AMD1: variants seen among roughly 807,000 people sequenced by gnomAD.
AMD1 encodes the protein S-adenosylmethionine decarboxylase proenzyme.
Under a neutral mutation model 40.2 loss-of-function variants are expected in AMD1, and 11 were observed. The observed-to-expected ratio is 0.27, with a 90% CI of 0.17 to 0.45. The LOEUF (loss-of-function observed/expected upper bound fraction) is 0.45. Among genes scored for constraint, AMD1 ranks in the 20% least tolerant of loss-of-function variants. The pLI, the probability that AMD1 is intolerant of heterozygous loss-of-function variation, is 1.00. For missense variants in AMD1, 257 were observed against 410.2 expected, an observed-to-expected ratio of 0.63 and a Z score of 3.23; for synonymous variants, 121 against 130.8, an observed-to-expected ratio of 0.93 and a Z score of 0.51.
Position 110,875,014 on chromosome 6 carries a change from G to A in AMD1, c.-92G>A. On this transcript the variant is annotated 5_prime_UTR_variant, in exon 1 of 9. Transcript: ENST00000368885. ...AACCTGAACTTTAGTAACACAGCTGGAACAATCCGCAGCGGCGGCGGCAGC... is the reference window on the plus strand; with the variant it reads ...AACCTGAACTTTAGTAACACAGCTGAAACAATCCGCAGCGGCGGCGGCAGC... The A allele has an allele frequency of 1.0e-6, 1 of 983,724 alleles. No individual in the cohort carries two copies. The highest frequency in any genetic ancestry group is 1.6e-6 in the Non-Finnish European group (1 of 636,906). The allele number at this position is 983,724 out of a possible 1,614,324, so 60.9% of individuals were successfully genotyped here.
the AMD1 span, among the ~76,000 whole-genome samples, chr6:110,853,679 G>A: frequency 1.3e-5 from 2 of 152,190 alleles, no homozygotes; most frequent in East Asian, 1.9e-4. Context: ...CATCTCAAGC[G>A]ATCCTCTCAC....
rs547344653 is a variant in AMD1 at position 110,887,538 on chromosome 6, A to G, written c.144A>G (p.Gln48=). 3.3e-5 allele frequency: 53 copies of G among 1,609,564 alleles called. No homozygotes were observed. The highest frequency in any genetic ancestry group is 4.1e-5 in the Non-Finnish European group (48 of 1,178,504). The part of the protein sequence containing the change: ...SEWDILLKDV[Q]CSIISVTKTD... ...GGGACATACTTTTGAAGGATGTGCA[A>G]TGTTCAATCATAAGTGTGACAAAAA... The change falls in exon 2 of 9, where the codon CAA becomes CAG. Residue 48 remains glutamine, a synonymous_variant. Coordinates refer to ENST00000368885, the MANE Select transcript of AMD1 (RefSeq NM_001634.6).
At chr6:110,846,827 G>A in the AMD1 span, among the ~76,000 whole-genome samples, 1 of 150,312 alleles carries the variant, frequency 6.7e-6, no homozygotes, top group Non-Finnish European at 1.5e-5. Flanking sequence ...CTGAGATCGC[G>A]CCACTGCACT....
At chr6:110,850,749 C>T in the AMD1 span, among the ~76,000 whole-genome samples, 2 of 152,142 alleles carry the variant, frequency 1.3e-5, no homozygotes, top group Non-Finnish European at 2.9e-5. Flanking sequence ...GTTTAATGTT[C>T]AAAGCAGAGC....
At chr6:110,869,762 G>T in the AMD1 span, among the ~76,000 whole-genome samples, 3 of 152,006 alleles carry the variant, frequency 2.0e-5, no homozygotes, top group African/African-American at 7.2e-5. Flanking sequence ...ACCAGTCTTG[G>T]CCTCCCAAAG....
At chr6:110,853,411 G>A in the AMD1 span, among the ~76,000 whole-genome samples, 693 of 151,766 alleles carry the variant, frequency 4.6e-3, 9 homozygotes, top group East Asian at 0.043. Flanking sequence ...GGGTTCAAGC[G>A]ACCCTCCTGC....
At chr6:110,815,241 TCGCGCGCG>T in the AMD1 span, 780 of 1,130,402 alleles carry the variant, frequency 6.9e-4, 5 homozygotes, top group African/African-American at 0.012. Context: ...CAGCCGCCTC[TCGCGCGCG>T]CGCGCGCGCC....
At chr6:110,857,744 A>G in the AMD1 span, among the ~76,000 whole-genome samples, 1 of 147,380 alleles carries the variant, frequency 6.8e-6, no homozygotes, top group Non-Finnish European at 1.5e-5. Flanking sequence ...ATATATATAT[A>G]GATGGTATAT....
At chr6:110,835,199 T>C in the AMD1 span, among the ~76,000 whole-genome samples, 1 of 151,062 alleles carries the variant, frequency 6.6e-6, no homozygotes, top group South Asian at 2.1e-4. Context: ...TTTGTATTTT[T>C]AGTAGAGACG....
intron 2 of AMD1, among the ~76,000 whole-genome samples, chr6:110,888,074 A>G (rs1303397876): frequency 6.6e-6 from 1 of 152,066 alleles, no homozygotes; most frequent in Non-Finnish European, 1.5e-5. Context: ...TTGAAGCCTC[A>G]CCGGACAGTT....
the AMD1 span, among the ~76,000 whole-genome samples, chr6:110,866,703 C>A: frequency 2.6e-5 from 4 of 151,974 alleles, no homozygotes; most frequent in African/African-American, 9.7e-5. Flanking sequence ...AAAGGAACTC[C>A]TGTTTTTCAG....
upstream of AMD1, among the ~76,000 whole-genome samples, chr6:110,872,163 A>G (rs1784929985): frequency 6.6e-6 from 1 of 152,244 alleles, no homozygotes; most frequent in African/African-American, 2.4e-5. Flanking sequence ...AGTGCTAGGA[A>G]TAAATACCCA....
chr6:110,828,762 A>T, the AMD1 span, among the ~76,000 whole-genome samples: 12 of 152,220 alleles, frequency 7.9e-5, no homozygotes, highest in African/African-American at 2.4e-5. Flanking sequence ...TTTACTGAAG[A>T]GATTTACCAA....
At chr6:110,887,350 G>A (rs879325547) in intron 1 of AMD1, among the ~76,000 whole-genome samples, 155 bp from the exon 2 acceptor site, 1 of 151,930 alleles carries the variant, frequency 6.6e-6, no homozygotes, top group East Asian at 1.9e-4. Context: ...ATTTATCTGG[G>A]TGTGTCAATA....
At chr6:110,884,760 C>A (rs1410190774) in intron 1 of AMD1, among the ~76,000 whole-genome samples, 1 of 152,140 alleles carries the variant, frequency 6.6e-6, no homozygotes, top group African/African-American at 2.4e-5. Flanking sequence ...AAGACTGTTA[C>A]ACTGTTTAGT....
the AMD1 span, chr6:110,814,680 C>T: frequency 4.5e-5 from 24 of 537,946 alleles, no homozygotes; most frequent in Admixed American, 1.6e-4. Flanking sequence ...TGCGTTCCCC[C>T]AAGAGACTAG....
chr6:110,853,585 G>A, the AMD1 span, among the ~76,000 whole-genome samples: 25 of 152,140 alleles, frequency 1.6e-4, no homozygotes, highest in Admixed American at 7.2e-4. Flanking sequence ...GGGATTACAG[G>A]CGTGAGCCAC....
the AMD1 span, chr6:110,858,313 A>G: frequency 1.2e-6 from 1 of 838,204 alleles, no homozygotes; most frequent in African/African-American, 1.7e-5. Flanking sequence ...TCCTGTGCAA[A>G]TATGACCCCC....
At chr6:110,848,554 T>A in the AMD1 span, 1 of 379,502 alleles carries the variant, frequency 2.6e-6, no homozygotes, top group African/African-American at 2.2e-5. Flanking sequence ...ACTGCACTTA[T>A]GTATGTTTTT....
Sources: allele counts gnomAD v4.1 joint callset (sites outside exome capture counted in the v4.1 genomes callset), GRCh38; gene constraint gnomAD v4.1.1; transcripts MANE v1.5; gene names NCBI Gene and HGNC (gene_info 2026-07-23, HGNC 2026-07-21).